The following MAP2K5 variants were observed in gnomAD, a reference collection of about 807,000 sequenced individuals.
The protein encoded by MAP2K5 is mitogen-activated protein kinase kinase 5, also known as dual specificity mitogen-activated protein kinase kinase 5.
A neutral mutation model predicts 83.1 loss-of-function variants in MAP2K5; 49 were observed. The observed-to-expected ratio is 0.59, with a 90% CI of 0.47 to 0.75. The LOEUF (loss-of-function observed/expected upper bound fraction) is 0.75. MAP2K5 is among the 30% of genes least tolerant of loss of function. MAP2K5 has a pLI of 0.00. For missense variants in MAP2K5, 457 were observed against 557.5 expected (o/e 0.82, Z 1.82); for synonymous variants, 202 against 191.8 (o/e 1.05, Z -0.44).
intron 16 of MAP2K5, among the ~76,000 whole-genome samples, chr15:67,704,159 G>T (rs1236563843): frequency 6.6e-6 from 1 of 152,068 alleles, no homozygotes; most frequent in Admixed American, 6.6e-5. Flanking sequence ...AGGACATATG[G>T]CTCAGTTTGA....
At chr15:67,795,150 A>T (rs2090583705) in intron 21 of MAP2K5, among the ~76,000 whole-genome samples, 1 of 151,832 alleles carries the variant, frequency 6.6e-6, no homozygotes, top group Admixed American at 6.6e-5. Context: ...TTTTGACTGG[A>T]TTTGTGGTTA....
At position 67,736,111 on chromosome 15, in the gene MAP2K5, G is replaced by T. The variant is rs2089335141; in HGVS notation, c.1074+8166G>T. Among the ~76,000 whole-genome samples, 1 of 152,224 alleles carries T rather than the reference G, an allele frequency of 6.6e-6. No individual in the cohort carries two copies. ...TAACTTTTAAAGTCACCGTGGGAAG[G>T]AAGTAAGAAAAGGGAGGGGAGCATG... On this transcript the variant is annotated intron_variant, in intron 17 of 21. Coordinates refer to ENST00000178640, the MANE Select transcript of MAP2K5 (RefSeq NM_145160.3). This position sits in a 1 kb window ranked among gnomAD's most constrained non-coding sequence, Gnocchi z 4.3.
intron 15 of MAP2K5, 49 bp downstream of exon 15, chr15:67,693,617 T>A: frequency 7.6e-7 from 1 of 1,323,852 alleles, no homozygotes; most frequent in South Asian, 1.2e-5. Context: ...ATCTTTATCT[T>A]TATGTACTTG....
chr15:67,615,816 AGG>A, intron 8 of MAP2K5, among the ~76,000 whole-genome samples: 1 of 152,180 alleles, frequency 6.6e-6, no homozygotes, highest in African/African-American at 2.4e-5. Context: ...TAATCTCGCA[AGG>A]TACTAAAAGA....
intron 2 of MAP2K5, among the ~76,000 whole-genome samples, chr15:67,553,509 G>A (rs984292160): frequency 2.6e-5 from 4 of 152,172 alleles, no homozygotes; most frequent in Non-Finnish European, 4.4e-5. Flanking sequence ...GGATTATCAT[G>A]TACTTTCCAC....
At chr15:67,704,947 T>C (rs1469537956) in intron 16 of MAP2K5, among the ~76,000 whole-genome samples, 1 of 152,240 alleles carries the variant, frequency 6.6e-6, no homozygotes, top group Non-Finnish European at 1.5e-5. Context: ...CCAGGTTTGC[T>C]ACTAGTTTTT....
In MAP2K5 at chr15:67,747,319, A is replaced by C. The variant is rs2089626098; in HGVS notation, c.1075-912A>C. Among the ~76,000 whole-genome samples, 1 of 152,240 alleles carries C rather than the reference A, an allele frequency of 6.6e-6. No homozygotes were observed. Among genetic ancestry groups the C allele is most frequent in the Non-Finnish European group, 1.5e-5 (1 of 68,042 alleles). ...CGGCTGGTTGGAGCCCAGTTATCTC[A>C]GAAAACAGTTGACCCATCAGTATTT... On this transcript the variant is annotated intron_variant, in intron 17 of 21. Coordinates refer to ENST00000178640, the MANE Select transcript of MAP2K5 (RefSeq NM_145160.3). This position sits in a 1 kb window ranked among gnomAD's most constrained non-coding sequence, Gnocchi z 4.1.
At chr15:67,672,695 G>C (rs2087573144) in intron 13 of MAP2K5, among the ~76,000 whole-genome samples, 1 of 144,584 alleles carries the variant, frequency 6.9e-6, no homozygotes, top group Non-Finnish European at 1.5e-5. Context: ...TTTGGCTTTT[G>C]TTGCCATTGC....
rs2084997940 is a variant in MAP2K5 at position 67,573,860 on chromosome 15, A to G, written c.253-6894A>G. 6.6e-6 allele frequency among the ~76,000 whole-genome samples: 1 copy of G among 152,216 alleles called. No individual in the cohort carries two copies. Among genetic ancestry groups the G allele is most frequent in the South Asian group, 2.1e-4 (1 of 4,830 alleles). ...ACACAAAGATGAATAATCCTGTGTC[A>G]CCAGCCTTGTAGTGCAGCGCATCTC... On this transcript the variant is annotated intron_variant, in intron 3 of 21. Transcript: ENST00000178640. The surrounding 1 kb of genome is among the most constrained non-coding windows in gnomAD (Gnocchi z 4.2).
At chr15:67,684,151 C>T (rs889001373) in intron 13 of MAP2K5, among the ~76,000 whole-genome samples, 1 of 152,220 alleles carries the variant, frequency 6.6e-6, no homozygotes, top group East Asian at 1.9e-4. Context: ...TAACATCAGC[C>T]TCTGCATTTA....
At chr15:67,727,971 G>A in intron 17 of MAP2K5, 26 bp downstream of exon 17, 1 of 1,599,094 alleles carries the variant, frequency 6.3e-7, no homozygotes, top group Non-Finnish European at 8.6e-7. Flanking sequence ...ACTGCTGTTT[G>A]CCACTGTGAC....
intron 8 of MAP2K5, among the ~76,000 whole-genome samples, chr15:67,608,310 T>A (rs2085827277): frequency 1.3e-5 from 2 of 152,082 alleles, no homozygotes; most frequent in Admixed American, 1.3e-4. Flanking sequence ...AGAGGAGCAA[T>A]GGAGAGAATA....
rs1267625655 is a variant in MAP2K5 at position 67,720,278 on chromosome 15, A to G, written c.1045-7638A>G. ...CATATATATACACACACATATGCTT[A>G]TATATACATAAGTATACACATACAT... On this transcript the variant is annotated intron_variant, in intron 16 of 21. Coordinates refer to ENST00000178640, the MANE Select transcript of MAP2K5 (RefSeq NM_145160.3). The surrounding 1 kb of genome is among the most constrained non-coding windows in gnomAD (Gnocchi z 5.7). 6.6e-6 allele frequency among the ~76,000 whole-genome samples: 1 copy of G among 152,070 alleles called. No homozygotes were observed. Among genetic ancestry groups the G allele is most frequent in the Non-Finnish European group, 1.5e-5 (1 of 68,028 alleles).
intron 21 of MAP2K5, among the ~76,000 whole-genome samples, chr15:67,792,948 T>C (rs1355449309): frequency 2.0e-5 from 3 of 152,222 alleles, no homozygotes; most frequent in Admixed American, 1.3e-4. Context: ...GTGTTTAATA[T>C]GGATTTTCTA....
intron 11 of MAP2K5, among the ~76,000 whole-genome samples, chr15:67,648,168 A>C (rs1344022818): frequency 6.6e-6 from 1 of 152,170 alleles, no homozygotes; most frequent in East Asian, 1.9e-4. Flanking sequence ...CCACTGTATA[A>C]TTCCAAAACA....
chr15:67,717,644 C>T lies in MAP2K5; in HGVS notation c.1045-10272C>T, dbSNP rs561978415. On this transcript the variant is annotated intron_variant, in intron 16 of 21. Transcript: ENST00000178640. The surrounding 1 kb of genome is among the most constrained non-coding windows in gnomAD (Gnocchi z 4.1). ...GGTCAGGAATCCTAGCAAGGCCCAG[C>T]CATTCTATGTAGCATCAAAAGCCTC... 2.0e-5 allele frequency among the ~76,000 whole-genome samples: 3 copies of T among 152,248 alleles called. No individual in the cohort carries two copies. In the South Asian group the frequency reaches 6.2e-4, roughly 32 times the overall value.
chr15:67,733,784 GT>G (rs140528753), intron 17 of MAP2K5, among the ~76,000 whole-genome samples: 13 of 152,312 alleles, frequency 8.5e-5, no homozygotes, highest in African/African-American at 3.1e-4. Context: ...TAGATAATAA[GT>G]GAAAAATATG....
chr15:67,788,051 A>G (rs2090448634), intron 21 of MAP2K5, among the ~76,000 whole-genome samples: 1 of 152,192 alleles, frequency 6.6e-6, no homozygotes, highest in African/African-American at 2.4e-5. Flanking sequence ...ACTGTTCTGG[A>G]TACTTCTCAG....
rs34792516 is a variant in MAP2K5, at chr15:67,555,788, TC to T, written c.184+5708del. On this transcript the variant is annotated intron_variant, in intron 2 of 21. Coordinates refer to ENST00000178640, the MANE Select transcript of MAP2K5 (RefSeq NM_145160.3). The surrounding 1 kb of genome is among the most constrained non-coding windows in gnomAD (Gnocchi z 5.2). Reference sequence around the variant, plus strand: ...TGTATTTGGCTATTTGTATTTAATTTCCTTTTTTTTTTTGAGACGCAGTCTC... The same window carrying T: ...TGTATTTGGCTATTTGTATTTAATTTCTTTTTTTTTTTGAGACGCAGTCTC... Among the ~76,000 whole-genome samples, 1 of 115,394 alleles carries T rather than the reference TC, an allele frequency of 8.7e-6. No homozygotes were observed. The highest frequency in any genetic ancestry group is 8.0e-5 in the Admixed American group (1 of 12,454). The allele number at this position is 115,394 out of a possible 152,430, so 75.7% of individuals were successfully genotyped here.
Sources: gnomAD v4.1 joint callset for allele counts (sites outside exome capture counted in the v4.1 genomes callset) on GRCh38, gnomAD v4.1.1 for gene constraint, Gnocchi (gnomAD v3.1) non-coding constraint, MANE v1.5 for transcripts, NCBI Gene and HGNC (gene_info 2026-07-23, HGNC 2026-07-21) for gene names.